Variants in GRB10 observed in about 807,000 individuals in gnomAD.
GRB10 encodes growth factor receptor bound protein 10.
GRB10 carries 20 observed loss-of-function variants against 80.9 expected under a neutral mutation model. The ratio of observed to expected loss-of-function variants is 0.25; its 90% CI spans 0.17 to 0.36. The LOEUF (loss-of-function observed/expected upper bound fraction) is 0.36. GRB10 is among the 10% of genes least tolerant of loss of function. GRB10 has a pLI of 1.00. For synonymous variants in GRB10, 291 were observed against 291.5 expected (o/e 1.00, Z 0.02); for missense variants, 548 against 747.7 (o/e 0.73, Z 3.12).
intron 3 of GRB10, among the ~76,000 whole-genome samples, chr7:50,749,374 C>T (rs2073729940): frequency 6.6e-6 from 1 of 152,012 alleles, no homozygotes; most frequent in African/African-American, 2.4e-5. Context: ...GGTGATCCAC[C>T]CACCTCAGCC....
At chr7:50,754,313 A>G (rs1468554867) in intron 3 of GRB10, among the ~76,000 whole-genome samples, 1 of 152,232 alleles carries the variant, frequency 6.6e-6, no homozygotes, top group Non-Finnish European at 1.5e-5. Flanking sequence ...CCATTCTGAG[A>G]TAGGGAGGTC....
At chr7:50,734,964 G>C (rs1479443014) in intron 3 of GRB10, among the ~76,000 whole-genome samples, 3 of 152,102 alleles carry the variant, frequency 2.0e-5, no homozygotes, top group Non-Finnish European at 4.4e-5. Context: ...AGAGCACTGA[G>C]ACAAGAAAAA....
intron 3 of GRB10, among the ~76,000 whole-genome samples, chr7:50,752,924 G>A (rs117326367): frequency 0.011 from 1,652 of 152,322 alleles, 11 homozygotes; most frequent in Non-Finnish European, 0.017. Context: ...TGAGGGAAAC[G>A]CTCAGAGGTC....
intron 3 of GRB10, among the ~76,000 whole-genome samples, chr7:50,753,456 G>A (rs912825991): frequency 6.6e-6 from 1 of 152,188 alleles, no homozygotes; most frequent in Non-Finnish European, 1.5e-5. Flanking sequence ...TTGGACAAGA[G>A]GGAGCCCATC....
chr7:50,615,960 A>G (rs1030038389), intron 11 of GRB10, among the ~76,000 whole-genome samples: 13 of 152,148 alleles, frequency 8.5e-5, no homozygotes, highest in Non-Finnish European at 1.9e-4. Flanking sequence ...TCTGCTCCCA[A>G]CCCGCAGTGG....
intron 3 of GRB10, among the ~76,000 whole-genome samples, chr7:50,749,269 T>C (rs2073705563): frequency 6.6e-6 from 1 of 151,776 alleles, no homozygotes; most frequent in Non-Finnish European, 1.5e-5. Context: ...GCTGGGATTA[T>C]AGGCACTCAC....
intron 15 of GRB10, chr7:50,604,850 G>T: frequency 3.4e-6 from 1 of 291,082 alleles, no homozygotes; most frequent in African/African-American, 2.2e-5. Context: ...CCGAGTGATA[G>T]TCTTCCCACC....
chr7:50,624,559 A>AT (rs1279332933), intron 8 of GRB10, among the ~76,000 whole-genome samples: 1 of 152,256 alleles, frequency 6.6e-6, no homozygotes, highest in African/African-American at 2.4e-5. Flanking sequence ...TATTCAGAGA[A>AT]GTTATAGGGA....
chr7:50,672,629 G>A (rs557785506), intron 6 of GRB10, among the ~76,000 whole-genome samples: 1 of 152,280 alleles, frequency 6.6e-6, no homozygotes, highest in East Asian at 1.9e-4. Context: ...GGGACTTAGC[G>A]CAGGTAGTCC....
At chr7:50,761,400 A>G (rs1459937073) in intron 2 of GRB10, among the ~76,000 whole-genome samples, 2 of 152,250 alleles carry the variant, frequency 1.3e-5, no homozygotes, top group African/African-American at 4.8e-5. Flanking sequence ...AATCCAAAGC[A>G]TAGAAGATAA....
At chr7:50,753,566 G>A (rs76934610) in intron 3 of GRB10, among the ~76,000 whole-genome samples, 1,856 of 152,260 alleles carry the variant, frequency 0.012, 50 homozygotes, top group African/African-American at 0.042. Flanking sequence ...AATACCTGCT[G>A]ACCCCTCAAG....
At chr7:50,753,385 G>A (rs1281317171) in intron 3 of GRB10, among the ~76,000 whole-genome samples, 1 of 152,186 alleles carries the variant, frequency 6.6e-6, no homozygotes, top group Non-Finnish European at 1.5e-5. Context: ...TGTGACCATG[G>A]TGCCCGGCAC....
intron 4 of GRB10, among the ~76,000 whole-genome samples, chr7:50,712,988 C>T (rs939853883): frequency 6.6e-6 from 1 of 152,214 alleles, no homozygotes; most frequent in African/African-American, 2.4e-5. Context: ...TCAATCTTGA[C>T]AAATGGTTTT....
At chr7:50,714,421 T>C (rs146064915) in intron 4 of GRB10, among the ~76,000 whole-genome samples, 8 of 152,318 alleles carry the variant, frequency 5.3e-5, no homozygotes, top group African/African-American at 1.9e-4. Flanking sequence ...CCCAGCACTT[T>C]GGGAGGTCAA....
At chr7:50,763,834 T>G (rs2076040376) in intron 2 of GRB10, among the ~76,000 whole-genome samples, 1 of 152,228 alleles carries the variant, frequency 6.6e-6, no homozygotes, top group Non-Finnish European at 1.5e-5. Context: ...GGGACTCAGC[T>G]GCCCTGTCTC....
intron 3 of GRB10, among the ~76,000 whole-genome samples, chr7:50,742,281 A>ACACG (rs1563676322): frequency 4.0e-5 from 1 of 25,266 alleles, no homozygotes; most frequent in Non-Finnish European, 1.9e-4. Flanking sequence ...GCACACACAC[A>ACACG]CACACACACA....
At chr7:50,769,967 T>C (rs1402397820) in intron 2 of GRB10, among the ~76,000 whole-genome samples, 2 of 152,162 alleles carry the variant, frequency 1.3e-5, no homozygotes, top group African/African-American at 4.8e-5. Flanking sequence ...GAAACGGTCG[T>C]ATATACCTGG....
chr7:50,676,905 G>A (rs781691098), intron 5 of GRB10, among the ~76,000 whole-genome samples: 15 of 152,146 alleles, frequency 9.9e-5, no homozygotes, highest in Non-Finnish European at 1.8e-4. Flanking sequence ...AGGACAGAAG[G>A]GAGGCTGCTG....
At chr7:50,789,707 C>T (rs556167231) in intron 1 of GRB10, among the ~76,000 whole-genome samples, 1 of 152,110 alleles carries the variant, frequency 6.6e-6, no homozygotes, top group Admixed American at 6.5e-5. Flanking sequence ...CCCCAGAAAT[C>T]CATATGTAAA....
Sources: allele counts gnomAD v4.1 joint callset (sites outside exome capture counted in the v4.1 genomes callset), GRCh38; gene constraint gnomAD v4.1.1; transcripts MANE v1.5; gene names NCBI Gene and HGNC (gene_info 2026-07-23, HGNC 2026-07-21).